SYPL1: variants seen among roughly 807,000 people sequenced by gnomAD.
SYPL1 encodes the protein synaptophysin-like protein 1.
Under a neutral mutation model 23.7 loss-of-function variants are expected in SYPL1, and 6 were observed. That is an observed-to-expected ratio of 0.25 (90% CI 0.14 to 0.50). SYPL1 has a LOEUF of 0.50. Ranked by LOEUF, SYPL1 falls within the 20% of genes least tolerant of loss-of-function variation. SYPL1 has a pLI of 0.98. For missense variants in SYPL1, 253 were observed against 288.9 expected, an observed-to-expected ratio of 0.88 and a Z score of 0.90; for synonymous variants, 102 against 104.5, an observed-to-expected ratio of 0.98 and a Z score of 0.15.
rs1433375347 is a variant in SYPL1, at chr7:106,097,746, G to C, written c.346C>G (p.Leu116Val). The C allele has an allele frequency of 9.3e-6, 15 of 1,613,980 alleles. No homozygotes were observed. The highest frequency in any genetic ancestry group is 1.3e-5 in the Non-Finnish European group (15 of 1,179,938). The change falls in exon 3 of 5, where the codon CTG becomes GTG. Residue 116 changes from leucine (L) to valine (V), a missense_variant. Leu to Val is a conservative substitution (Grantham distance 32). Transcript: ENST00000455385. This position sits in a 1 kb window ranked among gnomAD's most constrained non-coding sequence, Gnocchi z 4.6. Reference sequence around the variant, plus strand: ...AGACTCGTGTAGCCAACATAAAGCAGAAGGGCAGCAATGCAGTACAGGAAC... The same window carrying C: ...AGACTCGTGTAGCCAACATAAAGCACAAGGGCAGCAATGCAGTACAGGAAC... ...FVFLYCIAAL[L>V]LYVGYTSLYL...
intron 1 of SYPL1, among the ~76,000 whole-genome samples, chr7:106,105,174 A>C (rs1840529132): frequency 6.6e-6 from 1 of 152,160 alleles, no homozygotes; most frequent in African/African-American, 2.4e-5. Flanking sequence ...GTAATCAATG[A>C]CATACTATTC....
Position 106,112,227 on chromosome 7 carries a change from A to G in SYPL1, c.-19T>C, listed in dbSNP as rs1390385727. The G allele has an allele frequency of 2.2e-5, 33 of 1,531,196 alleles. No individual in the cohort carries two copies. Among genetic ancestry groups the G allele is most frequent in the Non-Finnish European group, 2.7e-5 (31 of 1,130,442 alleles). The allele number at this position is 1,531,196 out of a possible 1,614,324, so 94.9% of individuals were successfully genotyped here. On this transcript the variant is annotated 5_prime_UTR_variant, in exon 1 of 5. Coordinates refer to ENST00000455385, the MANE Select transcript of SYPL1 (RefSeq NM_182715.4). Reference sequence around the variant, plus strand: ...CGGACATCCTCTGAGGAAAGGAGGGAGAGAGAGTCAGGACGACGGGGCGGA... The same window carrying G: ...CGGACATCCTCTGAGGAAAGGAGGGGGAGAGAGTCAGGACGACGGGGCGGA...
At position 106,112,214 on chromosome 7, in the gene SYPL1, G is replaced by A; in HGVS notation, c.-6C>T. 1 of 1,540,912 alleles carries A rather than the reference G, an allele frequency of 6.5e-7. No individual in the cohort carries two copies. The highest frequency in any genetic ancestry group is 8.8e-7 in the Non-Finnish European group (1 of 1,135,986). The stretch of plus-strand genomic sequence containing the variant: ...TTGATCTGGAAGCCGGACATCCTCT[G>A]AGGAAAGGAGGGAGAGAGAGTCAGG... On this transcript the variant is annotated 5_prime_UTR_variant, in exon 1 of 5. Transcript: ENST00000455385.
At chr7:106,099,876 A>G (rs1179928212) in intron 1 of SYPL1, among the ~76,000 whole-genome samples, 1 of 152,242 alleles carries the variant, frequency 6.6e-6, no homozygotes, top group Non-Finnish European at 1.5e-5. Flanking sequence ...TAAGATGGTG[A>G]AAGACATTAA....
chr7:106,098,414 C>T (rs1209374857), intron 2 of SYPL1, among the ~76,000 whole-genome samples: 1 of 152,046 alleles, frequency 6.6e-6, no homozygotes, highest in South Asian at 2.1e-4. Context: ...AGAAAGGATA[C>T]AAGATAGAGA....
intron 1 of SYPL1, among the ~76,000 whole-genome samples, chr7:106,103,783 T>C (rs548826517): frequency 6.6e-6 from 1 of 152,340 alleles, no homozygotes; most frequent in Non-Finnish European, 1.5e-5. Flanking sequence ...TTGCTTCCCA[T>C]TGTATTTTTT....
At position 106,093,078 on chromosome 7, in the gene SYPL1, A is replaced by G; in HGVS notation, c.462T>C (p.Ala154=). 6.2e-7 allele frequency: 1 copy of G among 1,613,708 alleles called. No homozygotes were observed. The highest frequency in any genetic ancestry group is 2.2e-5 in the East Asian group (1 of 44,866). The change falls in exon 4 of 5, where the codon GCT becomes GCC. Residue 154 remains alanine, a synonymous_variant. Coordinates refer to ENST00000455385, the MANE Select transcript of SYPL1 (RefSeq NM_182715.4). The stretch of plus-strand genomic sequence containing the variant: ...CTATTTTAATATCTGTCAGAGCTTT[A>G]GCCCAGGCTGAAGTGCTCACCAACC... ...FLWLVSTSAW[A]KALTDIKIAT... is the part of the protein sequence containing the mutation.
At chr7:106,108,505 C>T (rs926839199) in intron 1 of SYPL1, among the ~76,000 whole-genome samples, 22 of 152,098 alleles carry the variant, frequency 1.4e-4, no homozygotes, top group South Asian at 4.1e-4. Context: ...CCTTCTGAGT[C>T]CCCTGGTCCA....
In SYPL1 at chr7:106,104,184, T is replaced by C. The variant is rs1024742271; in HGVS notation, c.70-4902A>G. ...TCATGATTCTTCTCTTGAGCTATCATAGACATTAACTCTATTATATATGAA... is the reference window on the plus strand; with the variant it reads ...TCATGATTCTTCTCTTGAGCTATCACAGACATTAACTCTATTATATATGAA... On this transcript the variant is annotated intron_variant, in intron 1 of 4. Transcript: ENST00000455385. This position sits in a 1 kb window ranked among gnomAD's most constrained non-coding sequence, Gnocchi z 4.1. Among the ~76,000 whole-genome samples, 6 of 152,330 alleles carry C rather than the reference T, an allele frequency of 3.9e-5. No homozygotes were observed. The highest frequency in any genetic ancestry group is 7.2e-5 in the African/African-American group (3 of 41,564).
At position 106,100,202 on chromosome 7, in the gene SYPL1, C is replaced by T. The variant is rs1180435394; in HGVS notation, c.70-920G>A. Reference sequence around the variant, plus strand: ...CCAGGTCTCAAAAAGTTGTTGGAAACTTATTTTCCTAATCATGTATATGCT... The same window carrying T: ...CCAGGTCTCAAAAAGTTGTTGGAAATTTATTTTCCTAATCATGTATATGCT... On this transcript the variant is annotated intron_variant, in intron 1 of 4. Transcript: ENST00000455385. This position sits in a 1 kb window ranked among gnomAD's most constrained non-coding sequence, Gnocchi z 5.1. 6.6e-6 allele frequency among the ~76,000 whole-genome samples: 1 copy of T among 152,182 alleles called. No homozygotes were observed. Among genetic ancestry groups the T allele is most frequent in the African/African-American group, 2.4e-5 (1 of 41,444 alleles).
In SYPL1 at chr7:106,090,643, T is replaced by C. The variant is rs1441470864; in HGVS notation, c.*1162A>G. 2 of 152,582 alleles carry C rather than the reference T, an allele frequency of 1.3e-5. No homozygotes were observed. The highest frequency in any genetic ancestry group is 2.9e-5 in the Non-Finnish European group (2 of 68,008). The allele number at this position is 152,582 out of a possible 1,614,324, so 9.5% of individuals were successfully genotyped here. ...CATATAAACAATCATGTTGTAAGAA[T>C]AAGAAACCTGAATCCCTGTACAACA... On this transcript the variant is annotated 3_prime_UTR_variant, in exon 5 of 5. Coordinates refer to ENST00000455385, the MANE Select transcript of SYPL1 (RefSeq NM_182715.4).
intron 1 of SYPL1, 62 bp downstream of exon 1, chr7:106,112,078 C>G: frequency 7.6e-7 from 1 of 1,310,738 alleles, no homozygotes; most frequent in Non-Finnish European, 9.9e-7. Flanking sequence ...AGGTCCCCGT[C>G]TCCCCGCCTA....
upstream of SYPL1, chr7:106,112,391 A>G: frequency 7.7e-7 from 1 of 1,298,194 alleles, no homozygotes; most frequent in Non-Finnish European, 9.8e-7. Context: ...CTGCTGGCTG[A>G]GACTCTGGGG....
In SYPL1 at chr7:106,091,973, T is replaced by G; in HGVS notation, c.592-34A>C. ...GAGAAAAAGAAATATGAAAATCAAA[T>G]ACCTACTTATAAAAATTCATGCCCT... On this transcript the variant is annotated intron_variant, in intron 4 of 4. Transcript: ENST00000455385. This position sits in a 1 kb window ranked among gnomAD's most constrained non-coding sequence, Gnocchi z 5.0. The G allele has an allele frequency of 6.4e-7, 1 of 1,569,106 alleles. No homozygotes were observed. Among genetic ancestry groups the G allele is most frequent in the Non-Finnish European group, 8.6e-7 (1 of 1,161,440 alleles).
intron 1 of SYPL1, among the ~76,000 whole-genome samples, chr7:106,110,105 A>G (rs1790068316): frequency 6.6e-6 from 1 of 152,150 alleles, no homozygotes. Flanking sequence ...TACCCTGCAC[A>G]TATGCATTTT....
upstream of SYPL1, chr7:106,112,485 G>C (rs764992362): frequency 2.0e-6 from 3 of 1,520,426 alleles, 1 homozygote; most frequent in South Asian, 2.5e-5. Context: ...GCACCTGGCC[G>C]AGTCGACTGA....
chr7:106,092,741 G>A, intron 4 of SYPL1: 1 of 587,154 alleles, frequency 1.7e-6, no homozygotes, highest in Non-Finnish European at 3.0e-6. Context: ...GAAAGTCTCA[G>A]AGATGAATAA....
chr7:106,106,987 A>T (rs1380822635), intron 1 of SYPL1, among the ~76,000 whole-genome samples: 1 of 152,222 alleles, frequency 6.6e-6, no homozygotes, highest in Non-Finnish European at 1.5e-5. Flanking sequence ...TAGTTGCAGG[A>T]TCTTCATTGC....
In SYPL1 at chr7:106,112,269, A is replaced by G. The variant is rs1790206505; in HGVS notation, c.-61T>C. ...CGGGGCGGAGGAGGGGACCGACGAG[A>G]CCAGAGCAGCCCGGTGGCGAGGAAG... On this transcript the variant is annotated 5_prime_UTR_variant, in exon 1 of 5. Transcript: ENST00000455385. 3.4e-6 allele frequency: 5 copies of G among 1,483,838 alleles called. No homozygotes were observed. Among genetic ancestry groups the G allele is most frequent in the Admixed American group, 1.9e-5 (1 of 53,066 alleles). 91.9% of individuals were successfully genotyped at this position (1,483,838 alleles called of 1,614,324 possible).
Sources: gnomAD v4.1 joint callset for allele counts (sites outside exome capture counted in the v4.1 genomes callset) on GRCh38, gnomAD v4.1.1 for gene constraint, Gnocchi (gnomAD v3.1) non-coding constraint, MANE v1.5 for transcripts, NCBI Gene and HGNC (gene_info 2026-07-23, HGNC 2026-07-21) for gene names.